Variants in CSMD1 observed in about 807,000 individuals in gnomAD.
CSMD1 encodes CUB and sushi domain-containing protein 1.
In CSMD1, 213 loss-of-function variants were observed where a neutral mutation model predicts 417.5. That is an observed-to-expected ratio of 0.51 (90% CI 0.46 to 0.57). The LOEUF is 0.57. Ranked by LOEUF, CSMD1 falls within the 20% of genes least tolerant of loss-of-function variation. The pLI, the probability that CSMD1 is intolerant of heterozygous loss-of-function variation, is 0.00. For synonymous variants in CSMD1, 2,862 were observed against 1,736.8 expected, an observed-to-expected ratio of 1.65 and a Z score of -16.11; for missense variants, 6,923 against 4,529.7, an observed-to-expected ratio of 1.53 and a Z score of -15.17.
intron 1 of CSMD1, among the ~76,000 whole-genome samples, chr8:4,950,715 G>A (rs1439449812): frequency 3.3e-5 from 5 of 152,138 alleles, no homozygotes; most frequent in East Asian, 1.9e-4. Context: ...AAAAGAGTTG[G>A]TCATTGAATA....
intron 23 of CSMD1, among the ~76,000 whole-genome samples, chr8:3,313,488 G>T (rs1012584210): frequency 6.6e-6 from 1 of 152,182 alleles, no homozygotes; most frequent in African/African-American, 2.4e-5. Flanking sequence ...TGACATTTAT[G>T]CAGCCAAAAG....
chr8:3,573,301 G>A (rs947520357), intron 10 of CSMD1, among the ~76,000 whole-genome samples: 1 of 152,100 alleles, frequency 6.6e-6, no homozygotes, highest in African/African-American at 2.4e-5. Context: ...AGTGATGATT[G>A]CAAGTACTGA....
chr8:3,255,099 C>G (rs188410367), intron 26 of CSMD1, among the ~76,000 whole-genome samples: 3 of 152,180 alleles, frequency 2.0e-5, no homozygotes, highest in African/African-American at 7.2e-5. Context: ...AGTCAGGACC[C>G]TCAGCTGCCG....
chr8:3,178,708 G>A (rs573949047), intron 37 of CSMD1, among the ~76,000 whole-genome samples: 1 of 152,122 alleles, frequency 6.6e-6, no homozygotes, highest in Non-Finnish European at 1.5e-5. Flanking sequence ...TTTAGAGCAA[G>A]ACCTGGCATA....
At chr8:4,955,279 T>G (rs1202999157) in intron 1 of CSMD1, among the ~76,000 whole-genome samples, 1 of 152,134 alleles carries the variant, frequency 6.6e-6, no homozygotes, top group Non-Finnish European at 1.5e-5. Flanking sequence ...CCAATAAAGT[T>G]GCATAAACTT....
intron 3 of CSMD1, among the ~76,000 whole-genome samples, chr8:4,224,365 C>G (rs1204874202): frequency 1.3e-5 from 2 of 152,136 alleles, no homozygotes; most frequent in Non-Finnish European, 2.9e-5. Context: ...CGATGTTGCG[C>G]AACAGCACAT....
intron 1 of CSMD1, among the ~76,000 whole-genome samples, chr8:4,989,652 T>A (rs77746442): frequency 6.6e-6 from 1 of 152,220 alleles, no homozygotes; most frequent in African/African-American, 2.4e-5. Context: ...AAATTGCATG[T>A]ATGCAACTTG....
chr8:3,120,976 C>A (rs1333255288), intron 41 of CSMD1, among the ~76,000 whole-genome samples: 1 of 151,518 alleles, frequency 6.6e-6, no homozygotes, highest in Non-Finnish European at 1.5e-5. Context: ...AATATTAAAC[C>A]TAGTAATACA....
In CSMD1 at chr8:3,690,614, T is replaced by C. The variant is rs138894534; in HGVS notation, c.1009+17800A>G. Among the ~76,000 whole-genome samples, 93 of 152,318 alleles carry C rather than the reference T, an allele frequency of 6.1e-4. 5 individuals carry two copies. The East Asian group carries it at 0.012, about 20-fold the overall frequency. Reference sequence around the variant, plus strand: ...GTGATTCAACGGTACTGTGATGATATCATAGCTTCCACTCTCAAAATATTC... The same window carrying C: ...GTGATTCAACGGTACTGTGATGATACCATAGCTTCCACTCTCAAAATATTC... On this transcript the variant is annotated intron_variant, in intron 7 of 69. Coordinates refer to ENST00000635120, the MANE Select transcript of CSMD1 (RefSeq NM_033225.6).
Position 4,637,336 on chromosome 8 carries a change from C to T in CSMD1, c.302+6G>A, listed in dbSNP as rs761080634. On this transcript the variant is annotated splice_donor_region_variant and intron_variant, in intron 2 of 69. Transcript: ENST00000635120. Reference sequence around the variant, plus strand: ...CTAACTGTAATATAAAAAGTTGATACCTTACCTCACTTTTAAATTCCCTTG... The same window carrying T: ...CTAACTGTAATATAAAAAGTTGATATCTTACCTCACTTTTAAATTCCCTTG... 2.5e-6 allele frequency: 4 copies of T among 1,602,386 alleles called. No individual in the cohort carries two copies. Among genetic ancestry groups the T allele is most frequent in the Non-Finnish European group, 2.6e-6 (3 of 1,169,514 alleles).
intron 2 of CSMD1, among the ~76,000 whole-genome samples, chr8:4,530,314 CTTTTTTTT>C (rs759268228): frequency 8.6e-4 from 40 of 46,686 alleles, no homozygotes; most frequent in African/African-American, 3.1e-3. Flanking sequence ...ACAGGTAGTG[CTTTTTTTT>C]TTTTTTTTTT....
intron 6 of CSMD1, among the ~76,000 whole-genome samples, chr8:3,745,662 A>G (rs1445691404): frequency 6.6e-6 from 1 of 152,184 alleles, no homozygotes; most frequent in Non-Finnish European, 1.5e-5. Flanking sequence ...AAGGGGCATG[A>G]ATCCCCGGGG....
intron 2 of CSMD1, among the ~76,000 whole-genome samples, chr8:4,601,163 C>T (rs1387486076): frequency 6.6e-6 from 1 of 152,168 alleles, no homozygotes; most frequent in African/African-American, 2.4e-5. Flanking sequence ...CCATGTTGGT[C>T]AGGCTGGTCT....
At chr8:4,078,909 A>G (rs112242553) in intron 3 of CSMD1, among the ~76,000 whole-genome samples, 37 of 46,670 alleles carry the variant, frequency 7.9e-4, no homozygotes, top group African/African-American at 2.1e-3. Flanking sequence ...ATATATATAT[A>G]TATATATATA....
At chr8:4,145,025 C>T (rs1226963543) in intron 3 of CSMD1, among the ~76,000 whole-genome samples, 1 of 151,076 alleles carries the variant, frequency 6.6e-6, no homozygotes, top group Admixed American at 6.6e-5. Context: ...TAATTATCTT[C>T]TACTTTTCCG....
At chr8:4,820,937 A>G (rs1463460966) in intron 1 of CSMD1, among the ~76,000 whole-genome samples, 1 of 152,162 alleles carries the variant, frequency 6.6e-6, no homozygotes, top group Non-Finnish European at 1.5e-5. Flanking sequence ...TGTTGCTTCC[A>G]TCTTTCCTCA....
intron 26 of CSMD1, among the ~76,000 whole-genome samples, chr8:3,239,273 C>T (rs988858504): frequency 8.6e-5 from 13 of 152,038 alleles, no homozygotes; most frequent in Admixed American, 2.6e-4. Flanking sequence ...GCTGATTTGA[C>T]TAATAAAGGC....
chr8:4,280,159 C>G (rs570647685), intron 3 of CSMD1, among the ~76,000 whole-genome samples: 57 of 152,164 alleles, frequency 3.7e-4, no homozygotes, highest in African/African-American at 1.4e-3. Flanking sequence ...TTTAGAAGTA[C>G]GCTTAAAAGA....
At chr8:4,759,623 T>A (rs1811903783) in intron 1 of CSMD1, among the ~76,000 whole-genome samples, 1 of 152,122 alleles carries the variant, frequency 6.6e-6, no homozygotes. Flanking sequence ...GTCCATGTGT[T>A]CTCATTGCTC....
Sources: allele counts gnomAD v4.1 joint callset (sites outside exome capture counted in the v4.1 genomes callset), GRCh38; gene constraint gnomAD v4.1.1; transcripts MANE v1.5; gene names NCBI Gene and HGNC (gene_info 2026-07-23, HGNC 2026-07-21).